Variants in MAP2K3 observed in about 807,000 individuals in gnomAD.
MAP2K3 encodes the protein dual specificity mitogen-activated protein kinase kinase 3.
A neutral mutation model predicts 46.4 loss-of-function variants in MAP2K3; 30 were observed. The ratio of observed to expected loss-of-function variants is 0.65; its 90% CI spans 0.48 to 0.88. MAP2K3 has a LOEUF of 0.88. Ranked by LOEUF, MAP2K3 falls within the 40% of genes least tolerant of loss-of-function variation. MAP2K3 has a pLI of 0.00. For missense variants in MAP2K3, 380 were observed against 464.5 expected (o/e 0.82, Z 1.67); for synonymous variants, 189 against 176.3 (o/e 1.07, Z -0.57).
rs2144609464 is a variant in MAP2K3, at chr17:21,304,335, G to A, written c.569-91G>A. On this transcript the variant is annotated intron_variant, in intron 7 of 11. Transcript: ENST00000342679. Reference sequence around the variant, plus strand: ...GGGAGGGGGCACAGGAGGGGTCTTGGGCGAGGGAGGGGGGCACAGCTATGC... The same window carrying A: ...GGGAGGGGGCACAGGAGGGGTCTTGAGCGAGGGAGGGGGGCACAGCTATGC... 8 of 1,599,280 alleles carry A rather than the reference G, an allele frequency of 5.0e-6. No individual in the cohort carries two copies. The East Asian group carries it at 1.3e-4, about 27-fold the overall frequency.
intron 5 of MAP2K3, among the ~76,000 whole-genome samples, chr17:21,301,736 G>A (rs1976612519): frequency 6.6e-6 from 1 of 152,312 alleles, no homozygotes; most frequent in African/African-American, 2.4e-5. Flanking sequence ...GGGGAAGAGG[G>A]AGCAGGTCCT....
At chr17:21,300,784 A>C in intron 4 of MAP2K3, 90 bp from the exon 5 acceptor site, 1 of 1,610,770 alleles carries the variant, frequency 6.2e-7, no homozygotes, top group Non-Finnish European at 8.5e-7. Flanking sequence ...CACACTGGGC[A>C]GTGGCCCCCT....
At chr17:21,285,060 C>T in intron 1 of MAP2K3, 91 bp downstream of exon 1, 1 of 1,503,096 alleles carries the variant, frequency 6.7e-7, no homozygotes, top group South Asian at 1.2e-5. Context: ...CCCACCCCAT[C>T]CTGTTCTCGA....
At chr17:21,305,929 C>T (rs1976871525) in intron 9 of MAP2K3, among the ~76,000 whole-genome samples, 1 of 152,310 alleles carries the variant, frequency 6.6e-6, no homozygotes, top group African/African-American at 2.4e-5. Flanking sequence ...CTTCCCTGCC[C>T]AGGGAAGCCT....
intron 1 of MAP2K3, among the ~76,000 whole-genome samples, chr17:21,296,881 A>C (rs1341326247): frequency 6.6e-6 from 1 of 152,298 alleles, no homozygotes; most frequent in East Asian, 1.9e-4. Context: ...GCAGGCAGGC[A>C]CCCAGTGCAT....
intron 1 of MAP2K3, among the ~76,000 whole-genome samples, chr17:21,294,719 G>A (rs1315088456): frequency 5.3e-5 from 8 of 152,308 alleles, no homozygotes; most frequent in Admixed American, 5.2e-4. Flanking sequence ...GGCTGAGGGT[G>A]GTGTTCTCTT....
intron 11 of MAP2K3, chr17:21,313,877 C>A (rs1977283758): frequency 1.7e-6 from 1 of 573,426 alleles, no homozygotes. Context: ...AGAGGCTGTC[C>A]CAAGCAGAAG....
chr17:21,298,070 C>T lies in MAP2K3; in HGVS notation c.50-343C>T, dbSNP rs529158320. On this transcript the variant is annotated intron_variant, in intron 1 of 11. Transcript: ENST00000342679. ...GACCCCCGCTGGGCCCCTTCTCACC[C>T]CACATCCCATTGACTAGTCAGGCAG... 3.9e-5 allele frequency among the ~76,000 whole-genome samples: 6 copies of T among 152,426 alleles called. No homozygotes were observed. The East Asian group carries it at 1.2e-3, about 29-fold the overall frequency.
chr17:21,289,977 C>T (rs958139175), intron 1 of MAP2K3, among the ~76,000 whole-genome samples: 2 of 152,130 alleles, frequency 1.3e-5, no homozygotes, highest in Admixed American at 6.5e-5. Context: ...GGCCCATGGC[C>T]GGGATTGCAC....
rs1217639086 is a variant in MAP2K3 at position 21,314,230 on chromosome 17, G to A, written c.1044G>A (p.Ter348=). The change falls in exon 12 of 12, where the codon TAG becomes TAA. Residue 348 remains the stop codon, a stop_retained_variant. Transcript: ENST00000342679. ...AGGAGATCCTGGGAGAAGACTCATA[G>A]GGGCTGGGCCTCGGACCCCACTCCG... ...FVKEILGEDS[*] 6.2e-7 allele frequency: 1 copy of A among 1,613,806 alleles called. No homozygotes were observed. Among genetic ancestry groups the A allele is most frequent in the African/African-American group, 1.3e-5 (1 of 75,050 alleles).
chr17:21,287,643 G>T lies in MAP2K3; in HGVS notation c.49+2674G>T, dbSNP rs542678001. On this transcript the variant is annotated intron_variant, in intron 1 of 11. Coordinates refer to ENST00000342679, the MANE Select transcript of MAP2K3 (RefSeq NM_145109.3). ...CTCCTTGCCCACATGGCCATCTCTG[G>T]CTGGGGTTAGAGGCCAAGTGGCTGG... is the stretch of plus-strand genomic sequence containing the variant. 2.0e-5 allele frequency among the ~76,000 whole-genome samples: 3 copies of T among 152,358 alleles called. No individual in the cohort carries two copies. In the South Asian group the frequency reaches 6.2e-4, roughly 32 times the overall value.
chr17:21,291,509 TGG>T, intron 1 of MAP2K3: 1 of 456,522 alleles, frequency 2.2e-6, no homozygotes, highest in Middle Eastern at 3.3e-4. Flanking sequence ...CGGGCCCACG[TGG>T]GGACCTTTGG....
intron 1 of MAP2K3, among the ~76,000 whole-genome samples, chr17:21,293,818 C>T (rs1479073253): frequency 6.6e-6 from 1 of 152,310 alleles, no homozygotes; most frequent in Non-Finnish European, 1.5e-5. Context: ...ACAGCCTGGG[C>T]CTGGCATGGA....
In MAP2K3 at chr17:21,300,996, G is replaced by A. The variant is rs55777930; in HGVS notation, c.399+3G>A. 1 of 1,413,822 alleles carries A rather than the reference G, an allele frequency of 7.1e-7. No individual in the cohort carries two copies. The highest frequency in any genetic ancestry group is 1.7e-5 in the Admixed American group (1 of 59,700). 87.6% of individuals were successfully genotyped at this position (1,413,822 alleles called of 1,614,324 possible). A position where few individuals can be genotyped will look rare whatever the true frequency, so the allele number is the denominator to read the frequency against. ...TCTACGGGGCACTATTCAGAGAGGT[G>A]CGTCCTTGCATGATGCAGCTGGGGA... On this transcript the variant is annotated splice_donor_region_variant and intron_variant, in intron 5 of 11. Coordinates refer to ENST00000342679, the MANE Select transcript of MAP2K3 (RefSeq NM_145109.3).
chr17:21,302,328 C>G, intron 6 of MAP2K3, 69 bp downstream of exon 6: 1 of 1,501,860 alleles, frequency 6.7e-7, no homozygotes, highest in Middle Eastern at 1.7e-4. Flanking sequence ...TGCCAGCAGG[C>G]ATGGAGCCTG....
At chr17:21,302,070 TG>T in intron 5 of MAP2K3, 72 bp from the exon 6 acceptor site, 2 of 1,457,296 alleles carry the variant, frequency 1.4e-6, no homozygotes, top group Non-Finnish European at 1.9e-6. Flanking sequence ...GGGCTGGTGC[TG>T]GGGCAGGCAG....
chr17:21,304,730 C>T (rs1330936252), intron 8 of MAP2K3, among the ~76,000 whole-genome samples, 177 bp downstream of exon 8: 5 of 152,310 alleles, frequency 3.3e-5, no homozygotes, highest in Non-Finnish European at 7.3e-5. Context: ...TTCTGTACCC[C>T]GTTGTTAACT....
At chr17:21,295,484 G>A (rs1597807477) in intron 1 of MAP2K3, 5 of 804,048 alleles carry the variant, frequency 6.2e-6, no homozygotes, top group African/African-American at 1.9e-5. Context: ...TTGTGGTGAT[G>A]GTTGCCACAA....
chr17:21,310,899 T>C (rs888611354), intron 9 of MAP2K3, among the ~76,000 whole-genome samples: 1 of 152,276 alleles, frequency 6.6e-6, no homozygotes, highest in Non-Finnish European at 1.5e-5. Context: ...GTTGAAGGTT[T>C]GGACACTTCT....
Sources: gnomAD v4.1 joint callset for allele counts (sites outside exome capture counted in the v4.1 genomes callset) on GRCh38, gnomAD v4.1.1 for gene constraint, MANE v1.5 for transcripts, NCBI Gene and HGNC (gene_info 2026-07-23, HGNC 2026-07-21) for gene names.